The following CPPED1 variants were observed in gnomAD, a reference collection of about 807,000 sequenced individuals.
CPPED1 encodes calcineurin like phosphoesterase domain containing 1.
CPPED1 carries 28 observed loss-of-function variants against 28.0 expected under a neutral mutation model. The observed-to-expected ratio is 1.00, with a 90% CI of 0.74 to 1.37. CPPED1 has a LOEUF of 1.37. Among genes scored for constraint, CPPED1 ranks in the 40% most tolerant of loss-of-function variants. CPPED1 has a pLI of 0.00. For missense variants in CPPED1, 504 were observed against 416.5 expected, an observed-to-expected ratio of 1.21 and a Z score of -1.83; for synonymous variants, 198 against 180.2, an observed-to-expected ratio of 1.10 and a Z score of -0.79.
chr16:12,797,165 G>A (rs2080632349), intron 1 of CPPED1, among the ~76,000 whole-genome samples: 1 of 152,088 alleles, frequency 6.6e-6, no homozygotes, highest in Non-Finnish European at 1.5e-5. Context: ...AAGTTAGATT[G>A]TGACTACACC....
intron 2 of CPPED1, among the ~76,000 whole-genome samples, chr16:12,767,701 G>A (rs917652726): frequency 3.3e-5 from 5 of 152,340 alleles, no homozygotes; most frequent in Admixed American, 1.3e-4. Context: ...GCTCATGCCT[G>A]TAATCCCAGC....
intron 3 of CPPED1, among the ~76,000 whole-genome samples, chr16:12,686,802 C>T (rs1230244725): frequency 1.3e-5 from 2 of 152,172 alleles, no homozygotes; most frequent in Admixed American, 6.6e-5. Flanking sequence ...ACAATCTCTT[C>T]CTCCCTTTGA....
At chr16:12,744,334 A>G (rs2080273515) in intron 2 of CPPED1, among the ~76,000 whole-genome samples, 2 of 152,048 alleles carry the variant, frequency 1.3e-5, no homozygotes, top group African/African-American at 2.4e-5. Flanking sequence ...GCAAGCAAGC[A>G]AGCAAGCAAG....
chr16:12,685,856 T>C (rs757511263), intron 3 of CPPED1, among the ~76,000 whole-genome samples: 23 of 152,240 alleles, frequency 1.5e-4, no homozygotes, highest in Middle Eastern at 6.8e-3. Flanking sequence ...CTGAGAAAGG[T>C]TATGTTTCTT....
At chr16:12,702,293 C>T (rs12444818) in intron 3 of CPPED1, among the ~76,000 whole-genome samples, 22,279 of 151,460 alleles carry the variant, frequency 0.15, 1,779 homozygotes, top group East Asian at 0.18. Flanking sequence ...TTAAACTCTT[C>T]GGGGGGCCAA....
At chr16:12,704,344 G>A (rs1296971254) in intron 3 of CPPED1, among the ~76,000 whole-genome samples, 2 of 152,072 alleles carry the variant, frequency 1.3e-5, no homozygotes, top group Non-Finnish European at 2.9e-5. Flanking sequence ...CTTAGGCTAG[G>A]GTCTGTTCTC....
chr16:12,734,333 G>T (rs573224957), intron 2 of CPPED1, among the ~76,000 whole-genome samples: 24 of 151,876 alleles, frequency 1.6e-4, no homozygotes, highest in African/African-American at 5.8e-4. Context: ...GCCTCCTGAA[G>T]TGCTGGAATT....
chr16:12,772,932 T>C (rs1335979555), intron 2 of CPPED1, among the ~76,000 whole-genome samples: 1 of 152,224 alleles, frequency 6.6e-6, no homozygotes, highest in East Asian at 1.9e-4. Context: ...TCCAGTAATA[T>C]TTTGTTAGCA....
intron 2 of CPPED1, among the ~76,000 whole-genome samples, chr16:12,732,132 AAC>A (rs2080201214): frequency 6.6e-6 from 1 of 151,862 alleles, no homozygotes; most frequent in Non-Finnish European, 1.5e-5. Flanking sequence ...CTGGATGACA[AAC>A]GTGAAACCCG....
chr16:12,782,719 G>A (rs118061576), intron 1 of CPPED1, among the ~76,000 whole-genome samples: 4,582 of 151,828 alleles, frequency 0.03, 121 homozygotes, highest in East Asian at 0.12. Flanking sequence ...AATTAGCCAG[G>A]CGTGGTGGCT....
At chr16:12,674,576 G>C (rs1489742742) in intron 3 of CPPED1, among the ~76,000 whole-genome samples, 3 of 152,162 alleles carry the variant, frequency 2.0e-5, no homozygotes. Flanking sequence ...GAAGGGGGTG[G>C]CACAGTGGCG....
At chr16:12,703,000 G>A (rs981061566) in intron 3 of CPPED1, among the ~76,000 whole-genome samples, 12 of 141,384 alleles carry the variant, frequency 8.5e-5, no homozygotes, top group Admixed American at 6.6e-4. Flanking sequence ...TGACAAGAGC[G>A]GGACTCCGTC....
At chr16:12,677,981 T>C (rs966882120) in intron 3 of CPPED1, among the ~76,000 whole-genome samples, 1 of 152,224 alleles carries the variant, frequency 6.6e-6, no homozygotes, top group Admixed American at 6.5e-5. Context: ...CTTGTGGGCA[T>C]GGCTGTGATC....
chr16:12,794,274 T>G (rs2080613674), intron 1 of CPPED1, among the ~76,000 whole-genome samples: 1 of 152,190 alleles, frequency 6.6e-6, no homozygotes, highest in Non-Finnish European at 1.5e-5. Flanking sequence ...TTGATTGTGA[T>G]GGTTGTACAC....
intron 2 of CPPED1, among the ~76,000 whole-genome samples, chr16:12,732,918 G>A (rs138304565): frequency 5.9e-5 from 9 of 152,296 alleles, no homozygotes; most frequent in African/African-American, 2.2e-4. Context: ...ACATGAGAGA[G>A]AAGCACAGAT....
chr16:12,793,161 C>T (rs2080606580), intron 1 of CPPED1, among the ~76,000 whole-genome samples: 2 of 152,212 alleles, frequency 1.3e-5, no homozygotes, highest in African/African-American at 4.8e-5. Flanking sequence ...TTCCTTAAAA[C>T]CTTACACGAT....
At chr16:12,681,251 C>G (rs1029869033) in intron 3 of CPPED1, among the ~76,000 whole-genome samples, 5 of 151,898 alleles carry the variant, frequency 3.3e-5, no homozygotes, top group Non-Finnish European at 7.4e-5. Flanking sequence ...GATTAGGTCA[C>G]GGGGGCTCTG....
At chr16:12,753,008 C>T (rs2080340340) in intron 2 of CPPED1, 1 of 151,724 alleles carries the variant, frequency 6.6e-6, no homozygotes, top group Admixed American at 6.6e-5. Context: ...AACTGAAGAC[C>T]GATAGCAAAA....
chr16:12,683,148 A>G (rs1270351161), intron 3 of CPPED1, among the ~76,000 whole-genome samples: 2 of 152,232 alleles, frequency 1.3e-5, no homozygotes, highest in East Asian at 1.9e-4. Flanking sequence ...GGGGTACTGC[A>G]TCCATCAAAA....
Sources: gnomAD v4.1 joint callset for allele counts (sites outside exome capture counted in the v4.1 genomes callset) on GRCh38, gnomAD v4.1.1 for gene constraint, MANE v1.5 for transcripts, NCBI Gene and HGNC (gene_info 2026-07-23, HGNC 2026-07-21) for gene names.